The following MAP3K20 variants were observed in gnomAD, a reference collection of about 807,000 sequenced individuals.
MAP3K20 encodes the protein HCCS-4.
MAP3K20 carries 40 observed loss-of-function variants against 85.7 expected under a neutral mutation model. That is an observed-to-expected ratio of 0.47 (90% confidence interval 0.36 to 0.61). The LOEUF (loss-of-function observed/expected upper bound fraction) is 0.61, where lower values mean the gene tolerates loss of function less well. MAP3K20 is among the 20% of genes least tolerant of loss of function. The pLI, the probability that MAP3K20 is intolerant of heterozygous loss-of-function variation, is 0.00. For synonymous variants in MAP3K20, 325 were observed against 327.7 expected (o/e 0.99, Z 0.09); for missense variants, 817 against 961.7 (o/e 0.85, Z 1.99).
At position 173,237,019 on chromosome 2, in the gene MAP3K20, C is replaced by CTTTTTTTT. The variant is rs368196400; in HGVS notation, c.1204-1336_1204-1329dup. Among the ~76,000 whole-genome samples the CTTTTTTTT allele has an allele frequency of 3.8e-4, 29 of 75,570 alleles. 1 individual carries two copies. The highest frequency in any genetic ancestry group is 3.0e-3 in the East Asian group (6 of 1,988). The allele number at this position is 75,570 out of a possible 152,430, so 49.6% of individuals were successfully genotyped here. On this transcript the variant is annotated intron_variant, in intron 14 of 19. Coordinates refer to ENST00000375213, the MANE Select transcript of MAP3K20 (RefSeq NM_016653.3). ...CTGGACAGTGGAGCAGTATATCCAC[C>CTTTTTTTT]TTTTTTTTTTTTTTTTTTTTTTTTT...
At chr2:173,124,731 C>A (rs968843073) in intron 2 of MAP3K20, among the ~76,000 whole-genome samples, 1 of 152,232 alleles carries the variant, frequency 6.6e-6, no homozygotes, top group African/African-American at 2.4e-5. Flanking sequence ...ACTCTGCTGG[C>A]AGCCAGACTG....
At chr2:173,127,642 G>T (rs1157929823) in intron 2 of MAP3K20, among the ~76,000 whole-genome samples, 1 of 151,948 alleles carries the variant, frequency 6.6e-6, no homozygotes, top group African/African-American at 2.4e-5. Context: ...TAATTCTCAA[G>T]TGAGATGGGT....
intron 3 of MAP3K20, among the ~76,000 whole-genome samples, chr2:173,176,602 T>A (rs575351441): frequency 6.6e-6 from 1 of 152,278 alleles, no homozygotes; most frequent in Admixed American, 6.5e-5. Flanking sequence ...AGATTAAAAT[T>A]TTTTATTGCA....
intron 11 of MAP3K20, chr2:173,221,506 T>G: frequency 6.3e-7 from 1 of 1,595,920 alleles, no homozygotes; most frequent in Non-Finnish European, 8.6e-7. Flanking sequence ...AGGAGGAGGA[T>G]AATGACATGG....
intron 3 of MAP3K20, among the ~76,000 whole-genome samples, chr2:173,172,157 C>A (rs1467010402): frequency 6.6e-6 from 1 of 152,038 alleles, no homozygotes; most frequent in African/African-American, 2.4e-5. Context: ...GAAATGAGCA[C>A]AAATAAGTCT....
chr2:173,151,822 G>A (rs1689316991), intron 2 of MAP3K20, among the ~76,000 whole-genome samples: 1 of 152,172 alleles, frequency 6.6e-6, no homozygotes, highest in African/African-American at 2.4e-5. Flanking sequence ...TGGACTAAAT[G>A]AGTTAATGTA....
In MAP3K20 at chr2:173,266,241, C is replaced by CAGTCCAGAAGCTCGTCTCCTACT. The variant is rs1685418276; in HGVS notation, c.1895_1917dup (p.Gln640SerfsTer12). The CAGTCCAGAAGCTCGTCTCCTACT allele has an allele frequency of 6.2e-7, 1 of 1,613,998 alleles. No individual in the cohort carries two copies. The highest frequency in any genetic ancestry group is 1.3e-5 in the African/African-American group (1 of 74,906). ...GTATCAACAGATTACACCTGTGAAC[C>CAGTCCAGAAGCTCGTCTCCTACT]AGTCCAGAAGCTCGTCTCCTACTCA... On this transcript the variant is annotated frameshift_variant, in exon 20 of 20. Coordinates refer to ENST00000375213, the MANE Select transcript of MAP3K20 (RefSeq NM_016653.3). LOFTEE classifies it low-confidence loss of function (END_TRUNC).
chr2:173,266,575 T>C lies in MAP3K20; in HGVS notation c.2228T>C (p.Ile743Thr), dbSNP rs1219503183. The change falls in exon 20 of 20, where the codon ATA (isoleucine) becomes ACA (threonine). Residue 743 changes from isoleucine to threonine, a missense_variant. Physicochemically the swap from Ile to Thr is moderately conservative, Grantham distance 89. Transcript: ENST00000375213. Reference protein sequence around the residue: ...SPRDLHQPNTIPGMPLHPETD... With the variant: ...SPRDLHQPNTTPGMPLHPETD... Reference sequence around the variant, plus strand: ...AGGGACCTCCACCAACCCAACACCATACCAGGGATGCCTTTGCACCCTGAG... The same window carrying C: ...AGGGACCTCCACCAACCCAACACCACACCAGGGATGCCTTTGCACCCTGAG... 1.2e-6 allele frequency: 2 copies of C among 1,613,578 alleles called. No individual in the cohort carries two copies. The highest frequency in any genetic ancestry group is 1.7e-5 in the Admixed American group (1 of 59,962).
At chr2:173,126,347 G>C (rs1026076340) in intron 2 of MAP3K20, among the ~76,000 whole-genome samples, 2 of 151,944 alleles carry the variant, frequency 1.3e-5, no homozygotes, top group African/African-American at 4.8e-5. Flanking sequence ...AGGTAACAAA[G>C]TAACGATGAA....
rs1269820464 is a variant in MAP3K20, at chr2:173,224,291, GT to G, written c.988-5397del. 4.1e-6 allele frequency: 4 copies of G among 985,310 alleles called. No homozygotes were observed. The African/African-American group carries it at 7.0e-5, about 17-fold the overall frequency. The allele number at this position is 985,310 out of a possible 1,614,324, so 61.0% of individuals were successfully genotyped here. The stretch of plus-strand genomic sequence containing the variant: ...TAACTTCGGGATCCCTGCACTTTAT[GT>G]AAGAATGTAAACCTGGAGTCTCATT... On this transcript the variant is annotated intron_variant, in intron 11 of 19. Transcript: ENST00000375213.
chr2:173,186,874 G>A (rs950723215), intron 4 of MAP3K20, among the ~76,000 whole-genome samples: 3 of 152,154 alleles, frequency 2.0e-5, no homozygotes, highest in African/African-American at 4.8e-5. Flanking sequence ...CTATAAATAT[G>A]ATGGAAAGAA....
intron 18 of MAP3K20, among the ~76,000 whole-genome samples, chr2:173,262,951 C>T (rs190883587): frequency 2.9e-4 from 44 of 152,256 alleles, no homozygotes; most frequent in Admixed American, 2.4e-3. Context: ...GACAGCACAC[C>T]CAGTTCTCTT....
chr2:173,204,510 T>C (rs1372891704), intron 9 of MAP3K20, among the ~76,000 whole-genome samples: 13 of 152,134 alleles, frequency 8.5e-5, no homozygotes, highest in Non-Finnish European at 1.9e-4. Flanking sequence ...CACAATAGAG[T>C]TGGAGAAATT....
Position 173,143,854 on chromosome 2 carries a change from A to G in MAP3K20, c.160-25951A>G, listed in dbSNP as rs550466397. 8.8e-4 allele frequency among the ~76,000 whole-genome samples: 134 copies of G among 152,330 alleles called. 1 individual carries two copies. Among genetic ancestry groups the G allele is most frequent in the African/African-American group, 3.2e-3 (132 of 41,576 alleles). On this transcript the variant is annotated intron_variant, in intron 2 of 19. Transcript: ENST00000375213. The stretch of plus-strand genomic sequence containing the variant: ...CAGGAAACAAGTTTATTATATTTCT[A>G]TATACTAGCAGCAAAGATTTTAAAG...
At chr2:173,182,547 CTATTTA>C (rs1266669379) in intron 3 of MAP3K20, among the ~76,000 whole-genome samples, 1 of 152,104 alleles carries the variant, frequency 6.6e-6, no homozygotes, top group African/African-American at 2.4e-5. Flanking sequence ...AAAGAAATAC[CTATTTA>C]TATACATACC....
At position 173,168,850 on chromosome 2, in the gene MAP3K20, ATATATAT is replaced by A. The variant is rs1305585016; in HGVS notation, c.160-950_160-944del. 9.2e-5 allele frequency among the ~76,000 whole-genome samples: 14 copies of A among 152,258 alleles called. No individual in the cohort carries two copies. In the East Asian group the frequency reaches 2.1e-3, roughly 23 times the overall value. On this transcript the variant is annotated intron_variant, in intron 2 of 19. Coordinates refer to ENST00000375213, the MANE Select transcript of MAP3K20 (RefSeq NM_016653.3). ...ATCATCTTTCTATTGACATTAGCAG[ATATATAT>A]TATAGTATCTGGTTTTTTTGTTTTA...
chr2:173,230,420 G>A (rs960311828), intron 12 of MAP3K20, among the ~76,000 whole-genome samples: 4 of 152,142 alleles, frequency 2.6e-5, no homozygotes, highest in Non-Finnish European at 4.4e-5. Flanking sequence ...CCGCTGAACC[G>A]GCTTTCCTTC....
At chr2:173,248,805 C>T (rs1212347652) in intron 16 of MAP3K20, among the ~76,000 whole-genome samples, 1 of 152,086 alleles carries the variant, frequency 6.6e-6, no homozygotes, top group Non-Finnish European at 1.5e-5. Context: ...TGAGAGCTGG[C>T]TCCAGCACAC....
chr2:173,146,458 GT>G (rs747476311), intron 2 of MAP3K20, among the ~76,000 whole-genome samples: 6 of 152,068 alleles, frequency 3.9e-5, no homozygotes, highest in Non-Finnish European at 7.4e-5. Context: ...ACAATTAAGT[GT>G]TTTATAATAT....
Sources: gnomAD v4.1 joint callset for allele counts (sites outside exome capture counted in the v4.1 genomes callset) on GRCh38, gnomAD v4.1.1 for gene constraint, MANE v1.5 for transcripts, NCBI Gene and HGNC (gene_info 2026-07-23, HGNC 2026-07-21) for gene names.